The following SESTD1 variants were observed in gnomAD, a reference collection of about 807,000 sequenced individuals.
SESTD1 encodes the protein SEC14 domain and spectrin repeat-containing protein 1.
A neutral mutation model predicts 101.7 loss-of-function variants in SESTD1; 43 were observed. The observed-to-expected ratio is 0.42, with a 90% CI of 0.33 to 0.55. SESTD1 has a LOEUF of 0.55. Ranked by LOEUF, SESTD1 falls within the 20% of genes least tolerant of loss-of-function variation. SESTD1 has a pLI of 0.07. For synonymous variants in SESTD1, 283 were observed against 286.8 expected, an observed-to-expected ratio of 0.99 and a Z score of 0.13; for missense variants, 647 against 815.1, an observed-to-expected ratio of 0.79 and a Z score of 2.51.
intron 15 of SESTD1, chr2:179,116,454 G>C (rs2044635233): frequency 1.6e-6 from 1 of 636,192 alleles, no homozygotes. Flanking sequence ...TAAATCAGAG[G>C]GACCATGCAG....
intron 13 of SESTD1, among the ~76,000 whole-genome samples, chr2:179,118,442 C>T (rs145371713): frequency 4.7e-4 from 72 of 152,228 alleles, no homozygotes; most frequent in African/African-American, 1.4e-3. Context: ...ATGGGGGACT[C>T]CCACTGCAGT....
chr2:179,109,894 A>G lies in SESTD1; in HGVS notation c.*5T>C. On this transcript the variant is annotated 3_prime_UTR_variant, in exon 18 of 18. Transcript: ENST00000428443. ...AACTGCAAATCTGTAGGTAGCTGGT[A>G]GCTATTAGCTCTCTGTGGTCACCAT... 1.2e-6 allele frequency: 2 copies of G among 1,613,348 alleles called. No homozygotes were observed. Among genetic ancestry groups the G allele is most frequent in the Non-Finnish European group, 1.7e-6 (2 of 1,179,678 alleles).
chr2:179,183,129 T>C lies in SESTD1; in HGVS notation c.115A>G (p.Asn39Asp). 1.2e-6 allele frequency: 2 copies of C among 1,612,304 alleles called. No homozygotes were observed. Among genetic ancestry groups the C allele is most frequent in the Non-Finnish European group, 1.7e-6 (2 of 1,179,082 alleles). Reference protein sequence around the residue: ...LTIPLCLEQTNMDELSVTLDY... With the variant: ...LTIPLCLEQTDMDELSVTLDY... ...AAGGTGACACTCAGCTCATCCATAT[T>C]TGTCTGTTCGAGGCATAATGGAATT... Residue 39 changes from asparagine (N) to aspartate (D), a missense_variant, in exon 3 of 18, where the codon AAT (asparagine) becomes GAT (aspartate). Physicochemically the swap from Asn to Asp is conservative, Grantham distance 23. This residue lies in a region of SESTD1 where 168 missense variants were observed against 235.1 expected (regional missense o/e 0.71). Transcript: ENST00000428443.
Position 179,149,311 on chromosome 2 carries a change from C to A in SESTD1, c.567G>T (p.Gln189His), listed in dbSNP as rs1203790489. 6.2e-7 allele frequency: 1 copy of A among 1,610,054 alleles called. No homozygotes were observed. The highest frequency in any genetic ancestry group is 8.5e-7 in the Non-Finnish European group (1 of 1,178,650). ...TAGCCACCTACCTTTCTTTCTCTTG[C>A]TGATTTCCTTTATCACTTCCATTGT... Reference protein sequence around the residue: ...LINNGSDKGNQQEKERSVDLN... With the variant: ...LINNGSDKGNHQEKERSVDLN... The change falls in exon 7 of 18, where the codon CAG becomes CAT. Residue 189 changes from glutamine (Q) to histidine (H), a missense_variant. Physicochemically the swap from Gln to His is conservative, Grantham distance 24 (BLOSUM62 0). Around this residue, in one of 3 missense-constraint regions of SESTD1, gnomAD observed 168 missense variants for 235.1 expected, o/e 0.71. Transcript: ENST00000428443.
chr2:179,186,638 G>A (rs1346955379), intron 2 of SESTD1, among the ~76,000 whole-genome samples: 1 of 151,224 alleles, frequency 6.6e-6, no homozygotes, highest in Admixed American at 6.6e-5. Context: ...TCATTTTAAT[G>A]AAATTACAGA....
At chr2:179,221,867 C>T (rs1364722832) in intron 1 of SESTD1, among the ~76,000 whole-genome samples, 1 of 151,862 alleles carries the variant, frequency 6.6e-6, no homozygotes, top group Non-Finnish European at 1.5e-5. Context: ...CTGCAGTGAG[C>T]CATGATTGTG....
chr2:179,222,785 A>AG (rs1311842794), intron 1 of SESTD1, among the ~76,000 whole-genome samples: 1 of 152,196 alleles, frequency 6.6e-6, no homozygotes, highest in Non-Finnish European at 1.5e-5. Flanking sequence ...CTGGAGACAC[A>AG]GATTTGCCAT....
At chr2:179,194,524 C>T (rs1054137802) in intron 1 of SESTD1, among the ~76,000 whole-genome samples, 2 of 152,114 alleles carry the variant, frequency 1.3e-5, no homozygotes, top group African/African-American at 4.8e-5. Flanking sequence ...ACATATTGCA[C>T]CCATGAGGAA....
At chr2:179,120,233 AAAAAG>A (rs906607990) in intron 13 of SESTD1, among the ~76,000 whole-genome samples, 189 of 152,096 alleles carry the variant, frequency 1.2e-3, no homozygotes, top group African/African-American at 4.0e-3. Flanking sequence ...GTTTCAAAAA[AAAAAG>A]AAAAGAAAAG....
At chr2:179,237,726 A>G (rs2047090056) in intron 1 of SESTD1, among the ~76,000 whole-genome samples, 1 of 152,212 alleles carries the variant, frequency 6.6e-6, no homozygotes, top group South Asian at 2.1e-4. Context: ...ATATAGAAGC[A>G]TAAAGGGTAA....
intron 1 of SESTD1, among the ~76,000 whole-genome samples, chr2:179,197,996 T>C (rs2046432094): frequency 6.6e-6 from 1 of 152,058 alleles, no homozygotes; most frequent in South Asian, 2.1e-4. Context: ...AATGCTCCAA[T>C]TAAAAGACAC....
At chr2:179,217,816 T>C (rs983744210) in intron 1 of SESTD1, among the ~76,000 whole-genome samples, 4 of 152,202 alleles carry the variant, frequency 2.6e-5, no homozygotes, top group Non-Finnish European at 5.9e-5. Flanking sequence ...AAGGATGAGT[T>C]CATGTCCTTT....
intron 2 of SESTD1, among the ~76,000 whole-genome samples, chr2:179,191,350 T>C (rs1272566300): frequency 6.6e-6 from 1 of 152,070 alleles, no homozygotes; most frequent in Non-Finnish European, 1.5e-5. Flanking sequence ...ATATTGCACA[T>C]TCTCATTTGT....
At chr2:179,218,717 C>A (rs951524723) in intron 1 of SESTD1, among the ~76,000 whole-genome samples, 2 of 152,248 alleles carry the variant, frequency 1.3e-5, no homozygotes, top group African/African-American at 4.8e-5. Flanking sequence ...AACTATCTTT[C>A]CCAGTATTGT....
chr2:179,248,522 T>C (rs2047266313), intron 1 of SESTD1, among the ~76,000 whole-genome samples: 1 of 152,146 alleles, frequency 6.6e-6, no homozygotes, highest in South Asian at 2.1e-4. Flanking sequence ...AGCAAGATTA[T>C]ACAAAGTAAT....
At chr2:179,260,297 C>T (rs1050947668) in intron 1 of SESTD1, among the ~76,000 whole-genome samples, 1 of 152,174 alleles carries the variant, frequency 6.6e-6, no homozygotes, top group Non-Finnish European at 1.5e-5. Context: ...AGGCAGATTG[C>T]TTGAGCTCAG....
rs544251126 is a variant in SESTD1 at position 179,171,397 on chromosome 2, T to C, written c.369+723A>G. ...CTCGGTAAAAATAAAAATGAGTGTA[T>C]AGCATGGCAAGTTCCAAAATGAATC... On this transcript the variant is annotated intron_variant, in intron 5 of 17. Transcript: ENST00000428443. Among the ~76,000 whole-genome samples, 20 of 152,270 alleles carry C rather than the reference T, an allele frequency of 1.3e-4. 1 individual carries two copies. The highest frequency in any genetic ancestry group is 4.8e-4 in the African/African-American group (20 of 41,568).
At chr2:179,188,590 G>C (rs1195061459) in intron 2 of SESTD1, among the ~76,000 whole-genome samples, 1 of 152,068 alleles carries the variant, frequency 6.6e-6, no homozygotes, top group Non-Finnish European at 1.5e-5. Context: ...AGCCAGCCTT[G>C]TTTGTACTAC....
intron 1 of SESTD1, among the ~76,000 whole-genome samples, chr2:179,229,681 C>T (rs975403968): frequency 4.2e-5 from 6 of 143,748 alleles, no homozygotes; most frequent in Admixed American, 2.1e-4. Flanking sequence ...AAAAAAGAAA[C>T]GAAAAAGAAA....
Sources: gnomAD v4.1 joint callset for allele counts (sites outside exome capture counted in the v4.1 genomes callset) on GRCh38, gnomAD v4.1.1 for gene constraint, gnomAD v4.1.1 regional missense constraint, MANE v1.5 for transcripts, NCBI Gene and HGNC (gene_info 2026-07-23, HGNC 2026-07-21) for gene names.